The following FMN2 variants were observed in gnomAD, a reference collection of about 807,000 sequenced individuals.
The protein encoded by FMN2 is formin 2.
FMN2 carries 51 observed loss-of-function variants against 142.3 expected under a neutral mutation model. The observed-to-expected ratio is 0.36, with a 90% CI of 0.29 to 0.45. The LOEUF (loss-of-function observed/expected upper bound fraction) is 0.45. Among genes scored for constraint, FMN2 ranks in the 20% least tolerant of loss-of-function variants. The pLI, the probability that FMN2 is intolerant of heterozygous loss-of-function variation, is 1.00. For missense variants in FMN2, 1,936 were observed against 2,122.8 expected (o/e 0.91, Z 1.73); for synonymous variants, 882 against 869.8 (o/e 1.01, Z -0.25).
rs1660998280 is a variant in FMN2 at position 240,092,213 on chromosome 1, C to G, written c.104C>G (p.Thr35Arg). ...CTGGGGCCCAGGGATGTGGAAGCCA[C>G]AAAGAAGGGGAGCGGGGGCAAGAAG... ...DALGPRDVEA[T>R]KKGSGGKKAL... Residue 35 changes from threonine to arginine, a missense_variant, in exon 1 of 18, where the codon ACA (threonine) becomes AGA (arginine). By Grantham distance (71) the Thr-to-Arg change is moderately conservative. Around this residue, in one of 8 missense-constraint regions of FMN2, gnomAD observed 751 missense variants for 791.8 expected, o/e 0.95. Transcript: ENST00000319653. 6.3e-7 allele frequency: 1 copy of G among 1,578,954 alleles called. No individual in the cohort carries two copies. Among genetic ancestry groups the G allele is most frequent in the African/African-American group, 1.4e-5 (1 of 73,428 alleles).
chr1:240,330,780 C>T (rs1558437345), intron 11 of FMN2, 31 bp downstream of exon 11: 1 of 1,599,690 alleles, frequency 6.3e-7, no homozygotes, highest in Non-Finnish European at 8.5e-7. Context: ...GACGTAAGCA[C>T]ATTGAGGAGT....
At chr1:240,189,289 A>G (rs1478815658) in intron 4 of FMN2, among the ~76,000 whole-genome samples, 5 of 152,206 alleles carry the variant, frequency 3.3e-5, no homozygotes, top group Non-Finnish European at 7.3e-5. Flanking sequence ...TCACCCAACT[A>G]TGCTTTTGTC....
rs548306835 is a variant in FMN2, at chr1:240,359,646, C to T, written c.4858+3738C>T. 5.3e-5 allele frequency among the ~76,000 whole-genome samples: 8 copies of T among 152,324 alleles called. No homozygotes were observed. The South Asian group carries it at 1.0e-3, about 20-fold the overall frequency. The stretch of plus-strand genomic sequence containing the variant: ...CATGGTCTATGTTTAAACACCTCCT[C>T]ACTGGGAACATCTCTCACCTCTGCC... On this transcript the variant is annotated intron_variant, in intron 14 of 17. Coordinates refer to ENST00000319653, the MANE Select transcript of FMN2 (RefSeq NM_020066.5).
At chr1:240,425,865 C>G (rs1470418070) in intron 15 of FMN2, among the ~76,000 whole-genome samples, 4 of 152,166 alleles carry the variant, frequency 2.6e-5, no homozygotes, top group Non-Finnish European at 5.9e-5. Context: ...TTTTCTTTGT[C>G]TTCACTCTGC....
rs78238246 is a variant in FMN2, at chr1:240,337,737, C to G, written c.4765+3508C>G. On this transcript the variant is annotated intron_variant, in intron 13 of 17. Coordinates refer to ENST00000319653, the MANE Select transcript of FMN2 (RefSeq NM_020066.5). Reference sequence around the variant, plus strand: ...TAGCACTTCTGTTTCTGCTTAGAGACTTGATTTTTATTTCTAAGGAAAGGC... The same window carrying G: ...TAGCACTTCTGTTTCTGCTTAGAGAGTTGATTTTTATTTCTAAGGAAAGGC... Among the ~76,000 whole-genome samples, 373 of 152,260 alleles carry G rather than the reference C, an allele frequency of 2.4e-3. 1 individual carries two copies. The highest frequency in any genetic ancestry group is 8.6e-3 in the African/African-American group (357 of 41,554).
chr1:240,280,614 G>T (rs1056530004), intron 7 of FMN2, among the ~76,000 whole-genome samples: 2 of 152,130 alleles, frequency 1.3e-5, no homozygotes, highest in Non-Finnish European at 2.9e-5. Context: ...GGTGAAATCT[G>T]TTATGCCCAA....
intron 14 of FMN2, among the ~76,000 whole-genome samples, chr1:240,384,474 T>C (rs1229904163): frequency 6.6e-6 from 1 of 152,130 alleles, no homozygotes; most frequent in East Asian, 1.9e-4. Flanking sequence ...TCCTTTATCT[T>C]TCTTCTTGAC....
chr1:240,186,289 G>A (rs1456546034), intron 3 of FMN2, among the ~76,000 whole-genome samples: 1 of 152,008 alleles, frequency 6.6e-6, no homozygotes, highest in Admixed American at 6.6e-5. Context: ...TCATTGTTTT[G>A]ATCTTTCATT....
At chr1:240,101,403 T>C (rs1459958232) in intron 1 of FMN2, among the ~76,000 whole-genome samples, 1 of 152,178 alleles carries the variant, frequency 6.6e-6, no homozygotes, top group African/African-American at 2.4e-5. Flanking sequence ...AGAGTGGTGA[T>C]GTTTTGACTT....
At chr1:240,173,092 C>T (rs775102316) in intron 2 of FMN2, among the ~76,000 whole-genome samples, 15 of 152,084 alleles carry the variant, frequency 9.9e-5, no homozygotes, top group African/African-American at 1.9e-4. Context: ...CCTGCCACCA[C>T]GCTCAGCTAA....
intron 14 of FMN2, among the ~76,000 whole-genome samples, chr1:240,374,399 C>T (rs1672974052): frequency 6.6e-6 from 1 of 152,182 alleles, no homozygotes; most frequent in Admixed American, 6.5e-5. Flanking sequence ...ATGGCATCTG[C>T]TTCTTGTTTT....
chr1:240,194,231 G>A (rs1443187559), intron 4 of FMN2, among the ~76,000 whole-genome samples: 2 of 152,170 alleles, frequency 1.3e-5, no homozygotes, highest in Non-Finnish European at 1.5e-5. Flanking sequence ...TGCATTTCAG[G>A]AGTGGTAGAA....
intron 14 of FMN2, among the ~76,000 whole-genome samples, chr1:240,363,977 G>A (rs751153338): frequency 6.6e-6 from 1 of 151,856 alleles, no homozygotes; most frequent in Non-Finnish European, 1.5e-5. Context: ...GTAAATTTCT[G>A]GTGCACTAGT....
rs545759229 is a variant in FMN2, at chr1:240,394,778, G to A, written c.4910+2216G>A. Among the ~76,000 whole-genome samples, 3 of 152,142 alleles carry A rather than the reference G, an allele frequency of 2.0e-5. No homozygotes were observed. The South Asian group carries it at 6.2e-4, about 32-fold the overall frequency. ...AGGTCAGGACCTTGAGCCCAGCCTG[G>A]CCAACACGGTGAAACCCCGTCTCTA... On this transcript the variant is annotated intron_variant, in intron 15 of 17. Transcript: ENST00000319653.
intron 14 of FMN2, among the ~76,000 whole-genome samples, chr1:240,367,818 A>AAAG (rs1271335761): frequency 1.3e-5 from 2 of 151,712 alleles, no homozygotes; most frequent in East Asian, 3.9e-4. Context: ...CTAAGTTGGT[A>AAAG]AAGATAATGT....
chr1:240,163,178 G>A (rs1664348031), intron 2 of FMN2, among the ~76,000 whole-genome samples: 2 of 152,130 alleles, frequency 1.3e-5, no homozygotes, highest in African/African-American at 4.8e-5. Context: ...TCAGTGTGCT[G>A]TGTATGCTTG....
At chr1:240,154,129 A>AAAAAAAAAAAAAAAAAAAAAAAAG (rs3047192) in intron 2 of FMN2, among the ~76,000 whole-genome samples, 1 of 102,152 alleles carries the variant, frequency 9.8e-6, no homozygotes. Context: ...AAAAAAAAAA[A>AAAAAAAAAAAAAAAAAAAAAAAAG]AAGTGTTACT....
In FMN2 at chr1:240,382,962, A is replaced by G. The variant is rs559843778; in HGVS notation, c.4859-9549A>G. Among the ~76,000 whole-genome samples the G allele has an allele frequency of 1.1e-4, 17 of 152,300 alleles. No homozygotes were observed. The East Asian group carries it at 3.3e-3, about 29-fold the overall frequency. On this transcript the variant is annotated intron_variant, in intron 14 of 17. Transcript: ENST00000319653. ...AGAGCACCAAGAAACAAAGCCACAT[A>G]TGTACAACCAACCAATCTTAAACAA...
intron 6 of FMN2, 138 bp downstream of exon 6, chr1:240,211,373 T>A (rs1012013431): frequency 1.3e-6 from 1 of 755,420 alleles, no homozygotes; most frequent in African/African-American, 1.8e-5. Context: ...GTTAGAACTT[T>A]AGAACATGTG....
Sources: allele counts gnomAD v4.1 joint callset (sites outside exome capture counted in the v4.1 genomes callset), GRCh38; gene constraint gnomAD v4.1.1; regional missense constraint gnomAD v4.1.1; transcripts MANE v1.5; gene names NCBI Gene and HGNC (gene_info 2026-07-23, HGNC 2026-07-21).